The following C2CD2 variants were observed in gnomAD, a reference collection of about 807,000 sequenced individuals.
C2CD2 encodes the protein C2 calcium dependent domain containing 2.
Under a neutral mutation model 74.3 loss-of-function variants are expected in C2CD2, and 43 were observed. The ratio of observed to expected loss-of-function variants is 0.58; its 90% CI spans 0.45 to 0.75. The LOEUF (loss-of-function observed/expected upper bound fraction) is 0.75. Among genes scored for constraint, C2CD2 ranks in the 30% least tolerant of loss-of-function variants. The pLI is 0.00. For missense variants in C2CD2, 801 were observed against 916.3 expected, an observed-to-expected ratio of 0.87 and a Z score of 1.63; for synonymous variants, 422 against 390.7, an observed-to-expected ratio of 1.08 and a Z score of -0.94.
intron 2 of C2CD2, among the ~76,000 whole-genome samples, chr21:41,931,238 C>T (rs1272901172): frequency 1.3e-5 from 2 of 150,230 alleles, no homozygotes; most frequent in Non-Finnish European, 3.0e-5. Flanking sequence ...CGTGCTTCCA[C>T]ACCCGGTCTG....
At chr21:41,941,756 T>A (rs1251093663) in intron 2 of C2CD2, among the ~76,000 whole-genome samples, 1 of 152,134 alleles carries the variant, frequency 6.6e-6, no homozygotes, top group Non-Finnish European at 1.5e-5. Flanking sequence ...TTACTCTCCA[T>A]TTTCCCCCAA....
At chr21:41,941,922 G>A (rs1048744968) in intron 2 of C2CD2, among the ~76,000 whole-genome samples, 4 of 152,166 alleles carry the variant, frequency 2.6e-5, no homozygotes, top group Non-Finnish European at 4.4e-5. Flanking sequence ...CATCCGCACC[G>A]GAGCGAGTGT....
At position 41,949,405 on chromosome 21, in the gene C2CD2, G is replaced by T. The variant is rs542754429; in HGVS notation, c.279+3965C>A. On this transcript the variant is annotated intron_variant, in intron 1 of 13. Transcript: ENST00000380486. ...CCAGTTCTGGGATCTTCTGTTCTGTGTGACCAAAGAGTGATCACATCAATG... is the reference window on the plus strand; with the variant it reads ...CCAGTTCTGGGATCTTCTGTTCTGTTTGACCAAAGAGTGATCACATCAATG... Among the ~76,000 whole-genome samples the T allele has an allele frequency of 2.6e-5, 4 of 152,314 alleles. No homozygotes were observed. The South Asian group carries it at 8.3e-4, about 32-fold the overall frequency.
chr21:41,933,408 A>C (rs1301622069), intron 2 of C2CD2, among the ~76,000 whole-genome samples: 1 of 152,146 alleles, frequency 6.6e-6, no homozygotes, highest in South Asian at 2.1e-4. Flanking sequence ...GCTGCCCTAC[A>C]CGGCAGTTCT....
intron 10 of C2CD2, 35 bp downstream of exon 10, chr21:41,906,957 C>A (rs1459985505): frequency 2.5e-6 from 4 of 1,578,214 alleles, no homozygotes; most frequent in East Asian, 2.2e-5. Flanking sequence ...AGGCGTCATG[C>A]AGAAAGTTCC....
intron 5 of C2CD2, among the ~76,000 whole-genome samples, chr21:41,915,440 TTC>T (rs2065078553): frequency 6.6e-6 from 1 of 151,412 alleles, no homozygotes. Context: ...GCCAAGAGTG[TTC>T]TTTTTTTTTT....
chr21:41,953,693 G>C lies in C2CD2; in HGVS notation c.-45C>G, dbSNP rs1022148169. 1.9e-5 allele frequency: 26 copies of C among 1,343,584 alleles called. No individual in the cohort carries two copies. Among genetic ancestry groups the C allele is most frequent in the Non-Finnish European group, 2.4e-5 (25 of 1,051,458 alleles). 83.2% of individuals were successfully genotyped at this position (1,343,584 alleles called of 1,614,324 possible). On this transcript the variant is annotated 5_prime_UTR_variant, in exon 1 of 14. Transcript: ENST00000380486. ...TCGCCCCAACTTCCCCGGCAGCCCC[G>C]GGCCGGAACGGCGGACTCAGGACAC...
In C2CD2 at chr21:41,889,056, G is replaced by C; in HGVS notation, c.*68C>G. The C allele has an allele frequency of 4.3e-6, 5 of 1,163,206 alleles. No individual in the cohort carries two copies. Among genetic ancestry groups the C allele is most frequent in the South Asian group, 1.3e-5 (1 of 79,694 alleles). 72.1% of individuals were successfully genotyped at this position (1,163,206 alleles called of 1,614,324 possible). A position where few individuals can be genotyped will look rare whatever the true frequency, so the allele number is the denominator to read the frequency against. ...ATCTGGACATCCGGCGGACACACTG[G>C]CTGCGTCCTGGTGAGGGTAGTTAAC... On this transcript the variant is annotated 3_prime_UTR_variant, in exon 14 of 14. Coordinates refer to ENST00000380486, the MANE Select transcript of C2CD2 (RefSeq NM_015500.2).
At position 41,945,776 on chromosome 21, in the gene C2CD2, C is replaced by T. The variant is rs765859284; in HGVS notation, c.280-3531G>A. Among the ~76,000 whole-genome samples the T allele has an allele frequency of 1.4e-4, 21 of 152,152 alleles. No homozygotes were observed. Among genetic ancestry groups the T allele is most frequent in the Admixed American group, 5.9e-4 (9 of 15,282 alleles). ...TTGGAAGTTCCTCCTTCCTTCTTCC[C>T]TCTCCTGCCGCCTTATGAAGAAGGT... On this transcript the variant is annotated intron_variant, in intron 1 of 13. Transcript: ENST00000380486. This position sits in a 1 kb window ranked among gnomAD's most constrained non-coding sequence, Gnocchi z 4.2.
intron 7 of C2CD2, 51 bp downstream of exon 7, chr21:41,912,281 C>G (rs1232455197): frequency 8.5e-7 from 1 of 1,177,930 alleles, no homozygotes; most frequent in East Asian, 2.4e-5. Context: ...TTTGGCGCTC[C>G]TGAACAGACA....
intron 10 of C2CD2, 56 bp from the exon 11 acceptor site, chr21:41,905,893 G>GTGA (rs1423892261): frequency 1.1e-5 from 11 of 967,714 alleles, no homozygotes; most frequent in Admixed American, 1.7e-5. Flanking sequence ...TGGATCAACA[G>GTGA]TTACCGAAAA....
chr21:41,951,672 C>T (rs370268855), intron 1 of C2CD2, among the ~76,000 whole-genome samples: 1 of 152,214 alleles, frequency 6.6e-6, no homozygotes, highest in East Asian at 1.9e-4. Flanking sequence ...ATATTTCTTT[C>T]AGTGTTCTCA....
intron 1 of C2CD2, among the ~76,000 whole-genome samples, chr21:41,950,774 T>C (rs1462087901): frequency 6.6e-6 from 1 of 152,138 alleles, no homozygotes; most frequent in African/African-American, 2.4e-5. Context: ...CATCTTAAAA[T>C]ACAAAGGTGG....
chr21:41,904,229 C>T (rs1289032404), intron 11 of C2CD2, among the ~76,000 whole-genome samples: 1 of 152,210 alleles, frequency 6.6e-6, no homozygotes, highest in Non-Finnish European at 1.5e-5. Flanking sequence ...GACACTCCCA[C>T]CAGCACCATG....
chr21:41,913,011 G>A (rs988182242), intron 6 of C2CD2, among the ~76,000 whole-genome samples: 37 of 152,154 alleles, frequency 2.4e-4, no homozygotes, highest in East Asian at 1.2e-3. Flanking sequence ...CGCCCCCTCC[G>A]TCAGTGCTGG....
At chr21:41,908,136 G>A (rs2064986203) in intron 8 of C2CD2, 2 of 334,128 alleles carry the variant, frequency 6.0e-6, no homozygotes, top group South Asian at 2.7e-5. Flanking sequence ...AATTCAGGGA[G>A]CTGACAACTG....
chr21:41,928,413 C>A (rs1474588720), intron 2 of C2CD2, among the ~76,000 whole-genome samples: 1 of 152,122 alleles, frequency 6.6e-6, no homozygotes, highest in East Asian at 1.9e-4. Flanking sequence ...AGGACGGGGT[C>A]TCCAATGAGG....
chr21:41,942,273 G>C, intron 1 of C2CD2, 28 bp from the exon 2 acceptor site: 1 of 1,496,650 alleles, frequency 6.7e-7, no homozygotes, highest in African/African-American at 1.4e-5. Context: ...CATGAGGAGG[G>C]CATGCACAGG....
In C2CD2 at chr21:41,886,685, G is replaced by T. The variant is rs1406598498; in HGVS notation, c.*2439C>A. The T allele has an allele frequency of 3.3e-5, 5 of 151,736 alleles. No homozygotes were observed. The highest frequency in any genetic ancestry group is 1.2e-4 in the African/African-American group (5 of 41,246). The allele number at this position is 151,736 out of a possible 1,614,324, so 9.4% of individuals were successfully genotyped here. A position where few individuals can be genotyped will look rare whatever the true frequency, so the allele number is the denominator to read the frequency against. On this transcript the variant is annotated 3_prime_UTR_variant, in exon 14 of 14. Coordinates refer to ENST00000380486, the MANE Select transcript of C2CD2 (RefSeq NM_015500.2). ...TTTTTTTTTTTTTGAGAGCAAGAAG[G>T]CTTAATATAAAATCCTGGGGCCGGC...
Sources: gnomAD v4.1 joint callset for allele counts (sites outside exome capture counted in the v4.1 genomes callset) on GRCh38, gnomAD v4.1.1 for gene constraint, Gnocchi (gnomAD v3.1) non-coding constraint, MANE v1.5 for transcripts, NCBI Gene and HGNC (gene_info 2026-07-23, HGNC 2026-07-21) for gene names.